The following WRN variants were observed in gnomAD, a reference collection of about 807,000 sequenced individuals.
WRN encodes the protein bifunctional 3'-5' exonuclease/ATP-dependent helicase WRN.
Under a neutral mutation model 180.7 loss-of-function variants are expected in WRN, and 149 were observed. The ratio of observed to expected loss-of-function variants is 0.82; its 90% CI spans 0.72 to 0.94. The LOEUF (loss-of-function observed/expected upper bound fraction) is 0.94. WRN is among the 40% of genes least tolerant of loss of function. The probability of loss-of-function intolerance (pLI) is 0.00; values close to 1 mark genes in which losing one functional copy is unlikely to be tolerated. For missense variants in WRN, 1,661 were observed against 1,700.1 expected (o/e 0.98, Z 0.40); for synonymous variants, 548 against 568.9 (o/e 0.96, Z 0.52).
intron 1 of WRN, among the ~76,000 whole-genome samples, chr8:31,040,140 A>C (rs1030936895): frequency 6.6e-6 from 1 of 152,236 alleles, no homozygotes; most frequent in Non-Finnish European, 1.5e-5. Flanking sequence ...GGATGAATCC[A>C]AGGCTTTTGG....
In WRN at chr8:31,175,326, TC is replaced by T. The variant is rs1804245664; in HGVS notation, c.*2225del. 2.0e-5 allele frequency among the ~76,000 whole-genome samples: 3 copies of T among 152,016 alleles called. No individual in the cohort carries two copies. The highest frequency in any genetic ancestry group is 1.3e-4 in the Admixed American group (2 of 15,266). On this transcript the variant is annotated 3_prime_UTR_variant, in exon 35 of 35. Transcript: ENST00000298139. ...GGTGCGTGCCTATAATCCCAGCTAC[TC>T]GGGAGGCTGAGGCAGGAGAATCGCT...
At chr8:31,044,765 T>C (rs760908223) in intron 1 of WRN, among the ~76,000 whole-genome samples, 7 of 152,236 alleles carry the variant, frequency 4.6e-5, no homozygotes, top group Non-Finnish European at 8.8e-5. Context: ...TTCTATTTTA[T>C]TCTTTTACTG....
intron 21 of WRN, among the ~76,000 whole-genome samples, chr8:31,123,275 A>G (rs1185190263): frequency 6.6e-6 from 1 of 152,122 alleles, no homozygotes; most frequent in Non-Finnish European, 1.5e-5. Context: ...ACCCCAAAGC[A>G]CAAGAGTACT....
At chr8:31,102,649 T>C (rs966505364) in intron 18 of WRN, among the ~76,000 whole-genome samples, 3 of 152,224 alleles carry the variant, frequency 2.0e-5, no homozygotes, top group African/African-American at 7.2e-5. Flanking sequence ...AAAGATGGTA[T>C]ACCTGTATAG....
At chr8:31,091,013 A>G (rs1813730141) in intron 15 of WRN, 71 bp downstream of exon 15, 1 of 1,151,820 alleles carries the variant, frequency 8.7e-7, no homozygotes, top group Admixed American at 1.7e-5. Context: ...CTGATCCATC[A>G]TGCATGTTAA....
chr8:31,096,921 A>G (rs1171087538), intron 17 of WRN, 71 bp downstream of exon 17: 12 of 1,324,832 alleles, frequency 9.1e-6, no homozygotes, highest in Non-Finnish European at 1.3e-5. Context: ...ATGGATGGAC[A>G]CTGGATTTCA....
chr8:31,107,405 T>G (rs917153586), intron 18 of WRN, among the ~76,000 whole-genome samples: 6 of 152,240 alleles, frequency 3.9e-5, no homozygotes, highest in African/African-American at 1.4e-4. Flanking sequence ...GAATTAAATC[T>G]TTTATTATGT....
intron 24 of WRN, among the ~76,000 whole-genome samples, chr8:31,140,013 T>G (rs1214831299): frequency 1.7e-4 from 19 of 108,910 alleles, no homozygotes; most frequent in East Asian, 1.3e-3. Flanking sequence ...GTTTTTTTTT[T>G]TTTTTTTTTT....
chr8:31,079,946 G>GCT (rs1362181350), intron 8 of WRN, among the ~76,000 whole-genome samples: 1 of 151,994 alleles, frequency 6.6e-6, no homozygotes, highest in East Asian at 1.9e-4. Flanking sequence ...CACGATCTCA[G>GCT]CTCAGCTCAC....
chr8:31,109,959 C>T (rs1233143455), intron 18 of WRN, among the ~76,000 whole-genome samples: 1 of 152,092 alleles, frequency 6.6e-6, no homozygotes, highest in Non-Finnish European at 1.5e-5. Context: ...ATTACCTGCT[C>T]ACTTATACAT....
At chr8:31,090,299 A>G (rs1352009393) in intron 13 of WRN, among the ~76,000 whole-genome samples, 166 bp from the exon 14 acceptor site, 1 of 151,520 alleles carries the variant, frequency 6.6e-6, no homozygotes. Context: ...TGAATGGGAC[A>G]TTGGTCAAAT....
intron 1 of WRN, among the ~76,000 whole-genome samples, chr8:31,043,832 A>AT (rs1266923135): frequency 2.0e-5 from 3 of 152,146 alleles, no homozygotes; most frequent in African/African-American, 7.2e-5. Flanking sequence ...GCCCCTATTA[A>AT]TTGGTACCTC....
At chr8:31,132,557 A>G (rs765970650) in intron 24 of WRN, 51 bp downstream of exon 24, 3 of 1,612,062 alleles carry the variant, frequency 1.9e-6, no homozygotes, top group Admixed American at 3.3e-5. Context: ...TACTTCTATT[A>G]CACTTTTCTT....
intron 7 of WRN, among the ~76,000 whole-genome samples, chr8:31,071,045 G>GAA (rs3056744): frequency 5.9e-5 from 7 of 117,784 alleles, no homozygotes; most frequent in African/African-American, 1.0e-4. Context: ...CTCTGTCTCA[G>GAA]AAAAAAAAAA....
intron 19 of WRN, among the ~76,000 whole-genome samples, chr8:31,112,662 C>G (rs1033779542): frequency 1.3e-5 from 2 of 152,068 alleles, no homozygotes; most frequent in African/African-American, 2.4e-5. Context: ...TCCCGGCTCA[C>G]TACAACTTCC....
chr8:31,112,787 C>T (rs1236351653), intron 19 of WRN, among the ~76,000 whole-genome samples: 1 of 152,058 alleles, frequency 6.6e-6, no homozygotes, highest in Non-Finnish European at 1.5e-5. Context: ...GGGGTTTCAC[C>T]ATGGTGGCCA....
chr8:31,075,357 A>G (rs1316062254), intron 7 of WRN, among the ~76,000 whole-genome samples: 1 of 152,142 alleles, frequency 6.6e-6, no homozygotes, highest in African/African-American at 2.4e-5. Flanking sequence ...TTGATGGCAA[A>G]TGATGTACCA....
At chr8:31,060,503 C>T (rs1019142190) in intron 3 of WRN, among the ~76,000 whole-genome samples, 2 of 152,184 alleles carry the variant, frequency 1.3e-5, no homozygotes, top group Non-Finnish European at 2.9e-5. Context: ...CACACCATTG[C>T]ACTCCAGCCT....
At chr8:31,116,645 C>G (rs769871979) in intron 20 of WRN, 117 bp downstream of exon 20, 1 of 1,402,574 alleles carries the variant, frequency 7.1e-7, no homozygotes, top group East Asian at 2.4e-5. Context: ...TAAAGCAGTC[C>G]CTCTGATAAA....
Sources: gnomAD v4.1 joint callset for allele counts (sites outside exome capture counted in the v4.1 genomes callset) on GRCh38, gnomAD v4.1.1 for gene constraint, MANE v1.5 for transcripts, NCBI Gene and HGNC (gene_info 2026-07-23, HGNC 2026-07-21) for gene names.